Variants in SCOC observed in about 807,000 individuals in gnomAD.
The protein encoded by SCOC is short coiled coil protein.
In SCOC, 7 loss-of-function variants were observed where a neutral mutation model predicts 9.9. The ratio of observed to expected loss-of-function variants is 0.71; its 90% CI spans 0.40 to 1.33. The LOEUF (loss-of-function observed/expected upper bound fraction) is 1.33, where lower values mean the gene tolerates loss of function less well. SCOC is among the 40% of genes most tolerant of loss of function. The pLI is 0.01. For missense variants in SCOC, 66 were observed against 89.7 expected, an observed-to-expected ratio of 0.74 and a Z score of 1.07; for synonymous variants, 19 against 28.2, an observed-to-expected ratio of 0.67 and a Z score of 1.03.
At chr4:140,363,445 T>C (rs946837224) in intron 2 of SCOC, among the ~76,000 whole-genome samples, 1 of 152,222 alleles carries the variant, frequency 6.6e-6, no homozygotes, top group Non-Finnish European at 1.5e-5. Flanking sequence ...AAATTAGGTA[T>C]GTCACAAATG....
chr4:140,369,965 A>C (rs1483257952), upstream of SCOC, among the ~76,000 whole-genome samples: 3 of 133,120 alleles, frequency 2.3e-5, no homozygotes, highest in Non-Finnish European at 4.6e-5. Context: ...TACAACCTCC[A>C]CCTCCTGGGT....
At chr4:140,285,048 T>C (rs1030650992) in intron 1 of SCOC, 5 of 391,438 alleles carry the variant, frequency 1.3e-5, no homozygotes, top group Non-Finnish European at 2.6e-5. Flanking sequence ...AGCCATTGTG[T>C]TAAAAGCTTT....
chr4:140,358,853 T>C (rs967397394), intron 2 of SCOC, among the ~76,000 whole-genome samples: 1 of 152,218 alleles, frequency 6.6e-6, no homozygotes, highest in African/African-American at 2.4e-5. Context: ...TTAAATGGAA[T>C]CACCATTTCA....
chr4:140,373,284 T>C, upstream of SCOC: 1 of 1,349,848 alleles, frequency 7.4e-7, no homozygotes. Context: ...ATGACTTCTC[T>C]GTCGCTCATA....
chr4:140,366,842 C>A (rs1455482191), intron 2 of SCOC: 1 of 828,160 alleles, frequency 1.2e-6, no homozygotes, highest in Non-Finnish European at 2.1e-6. Context: ...CCAACCTCCA[C>A]GAAGCGCCTG....
chr4:140,345,021 ATCT>A (rs1434470560), intron 2 of SCOC, among the ~76,000 whole-genome samples: 1 of 152,100 alleles, frequency 6.6e-6, no homozygotes, highest in Non-Finnish European at 1.5e-5. Flanking sequence ...TCCACGTCTC[ATCT>A]TCTGCCACTT....
At chr4:140,363,774 C>G (rs1229266768) in intron 2 of SCOC, among the ~76,000 whole-genome samples, 1 of 152,186 alleles carries the variant, frequency 6.6e-6, no homozygotes. Flanking sequence ...CAGTTCATCT[C>G]TCTGGTAAAT....
intron 1 of SCOC, among the ~76,000 whole-genome samples, chr4:140,299,008 G>A (rs143752940): frequency 0.023 from 3,517 of 152,190 alleles, 104 homozygotes; most frequent in African/African-American, 0.081. Flanking sequence ...TGTGGAGACA[G>A]GGTCTCACTA....
chr4:140,362,849 G>C (rs531643235), intron 2 of SCOC: 2 of 152,246 alleles, frequency 1.3e-5, no homozygotes, highest in Non-Finnish European at 2.9e-5. Flanking sequence ...AAAAACAGGA[G>C]TTTGACACAG....
At chr4:140,368,373 GTATT>G (rs1180915646) in intron 2 of SCOC, among the ~76,000 whole-genome samples, 3 of 151,858 alleles carry the variant, frequency 2.0e-5, no homozygotes, top group Non-Finnish European at 4.4e-5. Context: ...TGTATTATTC[GTATT>G]TATTATAATA....
rs1341212863 is a variant in SCOC, at chr4:140,383,687, A to AAGAC, written c.*2586_*2589dup. 1 of 152,140 alleles carries AAGAC rather than the reference A, an allele frequency of 6.6e-6. No homozygotes were observed. Among genetic ancestry groups the AAGAC allele is most frequent in the African/African-American group, 2.4e-5 (1 of 41,428 alleles). The allele number at this position is 152,140 out of a possible 1,614,324, so 9.4% of individuals were successfully genotyped here. On this transcript the variant is annotated 3_prime_UTR_variant, in exon 4 of 4. Transcript: ENST00000608372. The stretch of plus-strand genomic sequence containing the variant: ...GGGTGTTCACTCCATGGGAATTGTG[A>AAGAC]AGACAGTCCACTTCCTGCTGGTGTG...
intron 1 of SCOC, among the ~76,000 whole-genome samples, chr4:140,288,776 CT>C (rs1038494919): frequency 2.1e-4 from 32 of 151,996 alleles, no homozygotes. Flanking sequence ...CACATACCCC[CT>C]ACGCATACCA....
chr4:140,373,828 C>T lies in SCOC; in HGVS notation c.-51+111C>T, dbSNP rs978471069. ...GCGGGCTGGACGCGGCCCTGCGCAC[C>T]GGGGGCCCGGGAGGAGCGGTCTCGG... On this transcript the variant is annotated intron_variant, in intron 1 of 3. Transcript: ENST00000608372. The T allele has an allele frequency of 4.3e-5, 51 of 1,199,426 alleles. No individual in the cohort carries two copies. The African/African-American group carries it at 7.3e-4, about 17-fold the overall frequency. 74.3% of individuals were successfully genotyped at this position (1,199,426 alleles called of 1,614,324 possible). A position where few individuals can be genotyped will look rare whatever the true frequency, so the allele number is the denominator to read the frequency against.
chr4:140,360,849 T>C (rs1425206920), intron 2 of SCOC: 1 of 152,204 alleles, frequency 6.6e-6, no homozygotes, highest in Non-Finnish European at 1.5e-5. Flanking sequence ...AAAATGTTTT[T>C]ATTAATGGCC....
chr4:140,341,738 G>C (rs147794810), upstream of SCOC, among the ~76,000 whole-genome samples: 1 of 152,150 alleles, frequency 6.6e-6, no homozygotes, highest in African/African-American at 2.4e-5. Context: ...CAGCTACTGT[G>C]CTCTGAAATC....
chr4:140,350,629 G>A (rs904753778), intron 2 of SCOC, among the ~76,000 whole-genome samples: 2 of 152,172 alleles, frequency 1.3e-5, no homozygotes, highest in African/African-American at 4.8e-5. Flanking sequence ...TTGGCACAGG[G>A]GAGTGTGGCA....
chr4:140,287,831 CACTA>C (rs2044150972), intron 1 of SCOC, among the ~76,000 whole-genome samples: 1 of 152,040 alleles, frequency 6.6e-6, no homozygotes, highest in Non-Finnish European at 1.5e-5. Flanking sequence ...CATAGACACA[CACTA>C]TGCACATAAC....
intron 2 of SCOC, among the ~76,000 whole-genome samples, chr4:140,344,591 C>T (rs988853830): frequency 2.6e-5 from 4 of 152,200 alleles, no homozygotes; most frequent in African/African-American, 9.6e-5. Context: ...AAGCTTCCCT[C>T]CTGGCACTGC....
chr4:140,363,080 A>G (rs1169123585), intron 2 of SCOC, among the ~76,000 whole-genome samples: 2 of 152,202 alleles, frequency 1.3e-5, no homozygotes, highest in African/African-American at 2.4e-5. Context: ...CCCAAACTCA[A>G]TGTTCCTCTC....
Sources: gnomAD v4.1 joint callset for allele counts (sites outside exome capture counted in the v4.1 genomes callset) on GRCh38, gnomAD v4.1.1 for gene constraint, MANE v1.5 for transcripts, NCBI Gene and HGNC (gene_info 2026-07-23, HGNC 2026-07-21) for gene names.